The following TENM4 variants were observed in gnomAD, a reference collection of about 807,000 sequenced individuals.
The protein encoded by TENM4 is teneurin-4.
A neutral mutation model predicts 243.3 loss-of-function variants in TENM4; 82 were observed. The ratio of observed to expected loss-of-function variants is 0.34; its 90% CI spans 0.28 to 0.40. The LOEUF (loss-of-function observed/expected upper bound fraction) is 0.40. TENM4 is among the 10% of genes least tolerant of loss of function. TENM4 has a pLI of 1.00. For synonymous variants in TENM4, 1,412 were observed against 1,456.3 expected, an observed-to-expected ratio of 0.97 and a Z score of 0.69; for missense variants, 3,138 against 3,673.3, an observed-to-expected ratio of 0.85 and a Z score of 3.77.
intron 15 of TENM4, among the ~76,000 whole-genome samples, chr11:78,802,087 G>A (rs994617008): frequency 3.3e-5 from 5 of 152,196 alleles, no homozygotes; most frequent in African/African-American, 1.2e-4. Context: ...CTGCTGCCCT[G>A]TAGCTAACTC....
At chr11:79,284,337 T>A (rs1856211055) in intron 2 of TENM4, among the ~76,000 whole-genome samples, 1 of 152,178 alleles carries the variant, frequency 6.6e-6, no homozygotes, top group Non-Finnish European at 1.5e-5. Flanking sequence ...CAAGATAATG[T>A]GGTACTGGCA....
chr11:79,236,150 C>T (rs1401522069), intron 2 of TENM4, among the ~76,000 whole-genome samples: 1 of 152,064 alleles, frequency 6.6e-6, no homozygotes, highest in Non-Finnish European at 1.5e-5. Flanking sequence ...ACCTCCATTA[C>T]CTGATACCGT....
intron 4 of TENM4, among the ~76,000 whole-genome samples, chr11:79,133,516 C>A (rs1282408857): frequency 6.6e-6 from 1 of 152,058 alleles, no homozygotes; most frequent in African/African-American, 2.4e-5. Flanking sequence ...GCCAGCACCA[C>A]CCTAACCCAA....
intron 1 of TENM4, among the ~76,000 whole-genome samples, chr11:79,302,649 G>A (rs539271896): frequency 6.6e-6 from 1 of 152,150 alleles, no homozygotes; most frequent in Non-Finnish European, 1.5e-5. Flanking sequence ...GTTGGTCAGA[G>A]AGGCTCAGTA....
chr11:78,870,838 G>C (rs1312848473), intron 9 of TENM4, among the ~76,000 whole-genome samples: 1 of 152,194 alleles, frequency 6.6e-6, no homozygotes, highest in Non-Finnish European at 1.5e-5. Context: ...GGAGGGCACT[G>C]AAAACTGGTG....
At position 78,903,402 on chromosome 11, in the gene TENM4, G is replaced by A. The variant is rs766879572; in HGVS notation, c.615C>T (p.Phe205=). ...CCGGGCTGGGGTTGCTCCTCGGCGT[G>A]AAGTTGCCCCGGTTCAGGGAGTTAA... ...ASINSLNRGN[F]TPRSNPSPAP... Residue 205 remains phenylalanine, a synonymous_variant, in exon 7 of 34, where the codon TTC becomes TTT. Coordinates refer to ENST00000278550, the MANE Select transcript of TENM4 (RefSeq NM_001098816.3). 1.3e-6 allele frequency: 2 copies of A among 1,538,338 alleles called. No homozygotes were observed. The highest frequency in any genetic ancestry group is 2.4e-5 in the South Asian group (2 of 83,334).
chr11:79,242,978 T>C (rs1174420064), intron 2 of TENM4, among the ~76,000 whole-genome samples: 1 of 152,208 alleles, frequency 6.6e-6, no homozygotes, highest in Admixed American at 6.5e-5. Context: ...AGATTGCCAC[T>C]TGTTCGGGGC....
At position 78,722,668 on chromosome 11, in the gene TENM4, C is replaced by G; in HGVS notation, c.3800G>C (p.Arg1267Thr). 1.2e-6 allele frequency: 2 copies of G among 1,611,222 alleles called. No individual in the cohort carries two copies. Among genetic ancestry groups the G allele is most frequent in the African/African-American group, 1.3e-5 (1 of 74,990 alleles). The change falls in exon 24 of 34, where the codon AGA (arginine) becomes ACA (threonine). Residue 1267 changes from arginine (R) to threonine (T), a missense_variant and splice_region_variant. Transcript: ENST00000278550. ...SGNVTNILEL[R>T]NKDFRHSHSP... ...ATGAAGAAAGCATCACCTTACATAC[C>G]TCAGCTCTAGGATGTTGGTGACATT...
chr11:78,664,016 A>G lies in TENM4; in HGVS notation c.7409-2425T>C, dbSNP rs148295357. Among the ~76,000 whole-genome samples, 88 of 152,330 alleles carry G rather than the reference A, an allele frequency of 5.8e-4. 1 individual carries two copies. The highest frequency in any genetic ancestry group is 1.9e-3 in the African/African-American group (81 of 41,566). ...TGTTTCAGCCTTACTAGGCAAAATC[A>G]TAGGAAAGAACATGGTAGCTGAAGC... On this transcript the variant is annotated intron_variant, in intron 32 of 33. Coordinates refer to ENST00000278550, the MANE Select transcript of TENM4 (RefSeq NM_001098816.3).
At chr11:79,292,736 C>T (rs757494302) in intron 2 of TENM4, among the ~76,000 whole-genome samples, 29 of 152,240 alleles carry the variant, frequency 1.9e-4, no homozygotes, top group Non-Finnish European at 3.8e-4. Flanking sequence ...CCAGCTCAGC[C>T]ACTTACCAGC....
At chr11:79,129,580 A>C (rs1179034959) in intron 4 of TENM4, among the ~76,000 whole-genome samples, 3 of 152,060 alleles carry the variant, frequency 2.0e-5, no homozygotes, top group Admixed American at 6.6e-5. Context: ...TTGGGTTTGC[A>C]TGGGAGCTGG....
chr11:78,656,452 C>T lies in TENM4; in HGVS notation c.*1606G>A, dbSNP rs1300814420. On this transcript the variant is annotated 3_prime_UTR_variant, in exon 34 of 34. Coordinates refer to ENST00000278550, the MANE Select transcript of TENM4 (RefSeq NM_001098816.3). ...AGGCGGATGAACCAGGAATGGAATCCTTGAACAAGGGGCTCCCAGCTCTGG... is the reference window on the plus strand; with the variant it reads ...AGGCGGATGAACCAGGAATGGAATCTTTGAACAAGGGGCTCCCAGCTCTGG... The T allele has an allele frequency of 1.3e-5, 2 of 152,326 alleles. No individual in the cohort carries two copies. The highest frequency in any genetic ancestry group is 2.9e-5 in the Non-Finnish European group (2 of 68,108). The allele number at this position is 152,326 out of a possible 1,614,324, so 9.4% of individuals were successfully genotyped here.
intron 1 of TENM4, among the ~76,000 whole-genome samples, chr11:79,328,845 C>CTGGGA (rs1265783645): frequency 2.0e-5 from 3 of 152,086 alleles, no homozygotes; most frequent in Non-Finnish European, 4.4e-5. Context: ...TTCTTCTTCC[C>CTGGGA]AGAAGAAGAA....
At chr11:78,670,966 G>A (rs1390202163) in intron 31 of TENM4, among the ~76,000 whole-genome samples, 1 of 152,232 alleles carries the variant, frequency 6.6e-6, no homozygotes, top group Non-Finnish European at 1.5e-5. Context: ...ATGTACAGCA[G>A]TCTGGCTTCC....
At chr11:79,030,476 A>G (rs1269998510) in intron 6 of TENM4, among the ~76,000 whole-genome samples, 1 of 152,104 alleles carries the variant, frequency 6.6e-6, no homozygotes, top group Non-Finnish European at 1.5e-5. Context: ...AAAAAGCTAG[A>G]GTCATTTCGG....
chr11:79,190,021 AG>A (rs201458304), intron 3 of TENM4, among the ~76,000 whole-genome samples: 1,556 of 152,294 alleles, frequency 0.01, 37 homozygotes, highest in African/African-American at 0.034. Flanking sequence ...TTCTTTTTAA[AG>A]GGGGAGCCTT....
chr11:79,135,120 T>C (rs1862081619), intron 4 of TENM4, among the ~76,000 whole-genome samples: 1 of 152,038 alleles, frequency 6.6e-6, no homozygotes, highest in South Asian at 2.1e-4. Flanking sequence ...ATATCCAGAA[T>C]CTACAATGAA....
chr11:78,907,708 T>C (rs1856093611), intron 6 of TENM4, among the ~76,000 whole-genome samples: 1 of 152,144 alleles, frequency 6.6e-6, no homozygotes, highest in African/African-American at 2.4e-5. Flanking sequence ...AGGCCCTCAG[T>C]AAATATTTAC....
intron 19 of TENM4, among the ~76,000 whole-genome samples, chr11:78,756,060 C>T (rs1176302063): frequency 6.6e-6 from 1 of 151,924 alleles, no homozygotes; most frequent in Non-Finnish European, 1.5e-5. Context: ...TTTGCATGAG[C>T]TCTTCCTTCT....
Sources: gnomAD v4.1 joint callset for allele counts (sites outside exome capture counted in the v4.1 genomes callset) on GRCh38, gnomAD v4.1.1 for gene constraint, MANE v1.5 for transcripts, NCBI Gene and HGNC (gene_info 2026-07-23, HGNC 2026-07-21) for gene names.